The following EXOC6B variants were observed in gnomAD, a reference collection of about 807,000 sequenced individuals.
The protein encoded by EXOC6B is exocyst complex component 6B, also known as SEC15 homolog B.
EXOC6B carries 54 observed loss-of-function variants against 113.5 expected under a neutral mutation model. The observed-to-expected ratio is 0.48, with a 90% CI of 0.38 to 0.60. The LOEUF (loss-of-function observed/expected upper bound fraction) is 0.60. Among genes scored for constraint, EXOC6B ranks in the 20% least tolerant of loss-of-function variants. The pLI is 0.00. For missense variants in EXOC6B, 797 were observed against 977.5 expected (o/e 0.82, Z 2.46); for synonymous variants, 357 against 339.0 (o/e 1.05, Z -0.58).
rs368965308 is a variant in EXOC6B, at chr2:72,436,309, TTCTC to T, written c.1980+28847_1980+28850del. ...CTTCTCTTTGTGGGTAACCTGACCTTTCTCTCTGTCTGCCCTTAACATTTTTTCC... is the reference window on the plus strand; with the variant it reads ...CTTCTCTTTGTGGGTAACCTGACCTTTCTGTCTGCCCTTAACATTTTTTCC... On this transcript the variant is annotated intron_variant, in intron 18 of 21. Coordinates refer to ENST00000272427, the MANE Select transcript of EXOC6B (RefSeq NM_015189.3). Among the ~76,000 whole-genome samples the T allele has an allele frequency of 4.2e-3, 645 of 152,276 alleles. 5 individuals carry two copies. The highest frequency in any genetic ancestry group is 0.014 in the African/African-American group (586 of 41,546).
chr2:72,434,046 T>C (rs889668782), intron 18 of EXOC6B, among the ~76,000 whole-genome samples: 2 of 152,200 alleles, frequency 1.3e-5, no homozygotes, highest in African/African-American at 4.8e-5. Context: ...GGGTTTGTCA[T>C]AAATAGCTCT....
chr2:72,682,254 C>G (rs897992932), intron 6 of EXOC6B, among the ~76,000 whole-genome samples: 1 of 152,120 alleles, frequency 6.6e-6, no homozygotes, highest in Non-Finnish European at 1.5e-5. Flanking sequence ...TGGCTCCAAC[C>G]ATTTCCTCAT....
At chr2:72,452,423 C>G (rs1301730752) in intron 18 of EXOC6B, among the ~76,000 whole-genome samples, 1 of 152,046 alleles carries the variant, frequency 6.6e-6, no homozygotes, top group Non-Finnish European at 1.5e-5. Context: ...TATTTAAGAT[C>G]ATATATCCAA....
At chr2:72,552,426 G>A (rs1040793050) in intron 8 of EXOC6B, among the ~76,000 whole-genome samples, 3 of 151,718 alleles carry the variant, frequency 2.0e-5, no homozygotes, top group African/African-American at 7.3e-5. Context: ...TATTGCATGT[G>A]TGAGTTCTAC....
At chr2:72,692,990 CA>C (rs1418874310) in intron 6 of EXOC6B, among the ~76,000 whole-genome samples, 1 of 152,022 alleles carries the variant, frequency 6.6e-6, no homozygotes, top group East Asian at 1.9e-4. Context: ...AAGATTAAGT[CA>C]AAAATATGGT....
intron 1 of EXOC6B, among the ~76,000 whole-genome samples, chr2:72,783,927 G>A (rs1336576356): frequency 6.6e-6 from 1 of 152,168 alleles, no homozygotes; most frequent in Non-Finnish European, 1.5e-5. Flanking sequence ...TTAGACCAAT[G>A]TTCTGGAGTG....
At chr2:72,316,060 A>G (rs1274973478) in intron 20 of EXOC6B, among the ~76,000 whole-genome samples, 1 of 152,196 alleles carries the variant, frequency 6.6e-6, no homozygotes, top group Non-Finnish European at 1.5e-5. Flanking sequence ...TTATTCTGGC[A>G]TAATTTTGGA....
intron 18 of EXOC6B, among the ~76,000 whole-genome samples, chr2:72,401,817 A>G (rs1318224552): frequency 6.7e-6 from 1 of 148,920 alleles, no homozygotes; most frequent in Admixed American, 6.8e-5. Flanking sequence ...GAAACATTAT[A>G]GCATAAATAC....
At chr2:72,330,937 T>C (rs1405255981) in intron 20 of EXOC6B, among the ~76,000 whole-genome samples, 1 of 152,014 alleles carries the variant, frequency 6.6e-6, no homozygotes, top group Non-Finnish European at 1.5e-5. Flanking sequence ...AAAAGAGTAG[T>C]CCTAGCTAAA....
chr2:72,513,282 T>A (rs763237362), intron 10 of EXOC6B, 30 bp from the exon 11 acceptor site: 1 of 1,610,648 alleles, frequency 6.2e-7, no homozygotes, highest in Non-Finnish European at 8.5e-7. Context: ...AAAGCACAGC[T>A]GTCAGAAATT....
At chr2:72,181,573 C>T (rs1175684736) in intron 21 of EXOC6B, among the ~76,000 whole-genome samples, 1 of 152,132 alleles carries the variant, frequency 6.6e-6, no homozygotes, top group Admixed American at 6.5e-5. Flanking sequence ...AAACCACTTC[C>T]TATATTCATA....
chr2:72,489,724 T>G (rs1402575587), intron 16 of EXOC6B, among the ~76,000 whole-genome samples: 1 of 152,178 alleles, frequency 6.6e-6, no homozygotes, highest in Non-Finnish European at 1.5e-5. Flanking sequence ...TCATAGACCT[T>G]ATGAAGCAGC....
intron 1 of EXOC6B, among the ~76,000 whole-genome samples, chr2:72,784,578 C>T (rs567028332): frequency 7.9e-5 from 12 of 151,890 alleles, no homozygotes; most frequent in Admixed American, 5.9e-4. Flanking sequence ...TATATGGTGG[C>T]GGCAAGAGAA....
chr2:72,668,277 A>T (rs1443828794), intron 6 of EXOC6B, among the ~76,000 whole-genome samples: 1 of 152,190 alleles, frequency 6.6e-6, no homozygotes, highest in Non-Finnish European at 1.5e-5. Context: ...GATGTTGGTG[A>T]GTCTGCAGAA....
rs2104544064 is a variant in EXOC6B at position 72,681,187 on chromosome 2, T to C, written c.669+36916A>G. On this transcript the variant is annotated intron_variant, in intron 6 of 21. Transcript: ENST00000272427. ...ATCTTTCAACACACATCCATAAATATACCCTTCACTCAGACCTCAGAGAAT... is the reference window on the plus strand; with the variant it reads ...ATCTTTCAACACACATCCATAAATACACCCTTCACTCAGACCTCAGAGAAT... Among the ~76,000 whole-genome samples, 4 of 152,284 alleles carry C rather than the reference T, an allele frequency of 2.6e-5. No individual in the cohort carries two copies. In the Middle Eastern group the frequency reaches 0.01, roughly 388 times the overall value.
intron 6 of EXOC6B, among the ~76,000 whole-genome samples, chr2:72,577,841 G>A (rs781408712): frequency 5.3e-5 from 8 of 151,976 alleles, no homozygotes; most frequent in Non-Finnish European, 1.0e-4. Context: ...GCAGCTGACT[G>A]ACTTCTGCTG....
intron 6 of EXOC6B, among the ~76,000 whole-genome samples, chr2:72,647,725 A>G (rs1032550714): frequency 1.3e-5 from 2 of 152,218 alleles, no homozygotes; most frequent in African/African-American, 4.8e-5. Context: ...CTGGCTAGCT[A>G]TACATAGAAA....
chr2:72,622,991 G>A (rs1183182414), intron 6 of EXOC6B, among the ~76,000 whole-genome samples: 1 of 152,028 alleles, frequency 6.6e-6, no homozygotes, highest in Non-Finnish European at 1.5e-5. Flanking sequence ...AAGGTTATAG[G>A]GACTGAACTG....
intron 6 of EXOC6B, among the ~76,000 whole-genome samples, chr2:72,587,639 G>A (rs1030241687): frequency 3.3e-5 from 5 of 151,958 alleles, no homozygotes; most frequent in African/African-American, 1.2e-4. Context: ...AAATACATAT[G>A]TAAAATAATT....
Sources: allele counts gnomAD v4.1 joint callset (sites outside exome capture counted in the v4.1 genomes callset), GRCh38; gene constraint gnomAD v4.1.1; transcripts MANE v1.5; gene names NCBI Gene and HGNC (gene_info 2026-07-23, HGNC 2026-07-21).